The following XRCC1 variants were observed in gnomAD, a reference collection of about 807,000 sequenced individuals.
XRCC1 encodes the protein DNA repair protein XRCC1.
A neutral mutation model predicts 83.3 loss-of-function variants in XRCC1; 52 were observed. That is an observed-to-expected ratio of 0.62 (90% CI 0.50 to 0.79). The LOEUF (loss-of-function observed/expected upper bound fraction) is 0.79. XRCC1 is among the 30% of genes least tolerant of loss of function. XRCC1 has a pLI of 0.00. For synonymous variants in XRCC1, 281 were observed against 312.6 expected, an observed-to-expected ratio of 0.90 and a Z score of 1.07; for missense variants, 793 against 823.5, an observed-to-expected ratio of 0.96 and a Z score of 0.45.
chr19:43,545,975 A>G lies in XRCC1; in HGVS notation c.1482-18T>C. On this transcript the variant is annotated intron_variant, in intron 13 of 16. Coordinates refer to ENST00000262887, the MANE Select transcript of XRCC1 (RefSeq NM_006297.3). ...CTGCCACCCTGGGGGTGCCAAGAGG[A>G]GTAGAGAGTGAGCATGCAGAGCAGC... 6.2e-6 allele frequency: 10 copies of G among 1,613,702 alleles called. No individual in the cohort carries two copies. The highest frequency in any genetic ancestry group is 8.5e-6 in the Non-Finnish European group (10 of 1,179,826).
At chr19:43,554,539 G>T in intron 4 of XRCC1, 107 bp downstream of exon 4, 1 of 1,380,872 alleles carries the variant, frequency 7.2e-7, no homozygotes, top group Non-Finnish European at 9.7e-7. Context: ...AATCCCATGG[G>T]ACACCAGCTG....
chr19:43,552,563 G>A (rs1972591559), intron 8 of XRCC1, among the ~76,000 whole-genome samples: 1 of 142,628 alleles, frequency 7.0e-6, no homozygotes, highest in African/African-American at 2.7e-5. Flanking sequence ...TCCTCTCTCA[G>A]ACCCAGGGGT....
At chr19:43,570,263 G>A (rs1321955712) in intron 2 of XRCC1, among the ~76,000 whole-genome samples, 2 of 152,212 alleles carry the variant, frequency 1.3e-5, no homozygotes, top group Admixed American at 6.5e-5. Flanking sequence ...ACACACCAGA[G>A]TTATATCTGG....
At chr19:43,573,844 C>T (rs1972828178) in intron 2 of XRCC1, among the ~76,000 whole-genome samples, 1 of 152,132 alleles carries the variant, frequency 6.6e-6, no homozygotes, top group Non-Finnish European at 1.5e-5. Flanking sequence ...CATGCCACTG[C>T]ACTACAGCCT....
At chr19:43,556,536 G>A (rs1972637692) in intron 3 of XRCC1, among the ~76,000 whole-genome samples, 1 of 152,196 alleles carries the variant, frequency 6.6e-6, no homozygotes. Context: ...AGGCGCGGTG[G>A]CTCACGCCTG....
chr19:43,557,450 C>T (rs1972649615), intron 3 of XRCC1, among the ~76,000 whole-genome samples: 1 of 151,644 alleles, frequency 6.6e-6, no homozygotes. Context: ...AAAAACAGAA[C>T]ATAACTATAG....
chr19:43,566,478 G>C (rs1249203831), intron 2 of XRCC1, among the ~76,000 whole-genome samples: 1 of 137,428 alleles, frequency 7.3e-6, no homozygotes, highest in African/African-American at 2.8e-5. Flanking sequence ...GTTGCAGTGA[G>C]CCAAGATCAT....
intron 2 of XRCC1, among the ~76,000 whole-genome samples, chr19:43,572,927 CTTTTTTTTTTTTT>C (rs1015971628): frequency 1.1e-5 from 1 of 91,150 alleles, no homozygotes; most frequent in Non-Finnish European, 2.1e-5. Flanking sequence ...GAGATCTTTT[CTTTTTTTTTTTTT>C]TTTTTTTTTT....
chr19:43,568,921 G>A (rs1449289556), intron 2 of XRCC1, among the ~76,000 whole-genome samples: 1 of 151,596 alleles, frequency 6.6e-6, no homozygotes, highest in African/African-American at 2.4e-5. Flanking sequence ...GGTCTTTGTG[G>A]CTCTGTCTGT....
chr19:43,554,684 C>A lies in XRCC1; in HGVS notation c.376G>T (p.Asp126Tyr). 1 of 1,613,904 alleles carries A rather than the reference C, an allele frequency of 6.2e-7. No individual in the cohort carries two copies. Among genetic ancestry groups the A allele is most frequent in the South Asian group, 1.1e-5 (1 of 91,050 alleles). ...TGGCTGCAAACAATTTTGACCCGGT[C>A]CCAGCGCTTCTCGGCGGCTGCCCGG... ...LVRAAAEKRW[D>Y]RVKIVCSQPY... The change falls in exon 4 of 17, where the codon GAC (aspartate) becomes TAC (tyrosine). Residue 126 changes from aspartate to tyrosine, a missense_variant. By Grantham distance (160) the Asp-to-Tyr change is radical (BLOSUM62 -3). Transcript: ENST00000262887.
intron 8 of XRCC1, among the ~76,000 whole-genome samples, 200 bp from the exon 9 acceptor site, chr19:43,552,475 C>A (rs1273761052): frequency 6.9e-6 from 1 of 145,874 alleles, no homozygotes; most frequent in Non-Finnish European, 1.5e-5. Flanking sequence ...AGGCCCCCAG[C>A]CCCTCCTCCC....
At chr19:43,569,718 G>A (rs1244060195) in intron 2 of XRCC1, among the ~76,000 whole-genome samples, 1 of 151,532 alleles carries the variant, frequency 6.6e-6, no homozygotes, top group East Asian at 1.9e-4. Flanking sequence ...GGAGGCGGAG[G>A]TTGCAGTGAG....
rs35051065 is a variant in XRCC1, at chr19:43,566,946, AATAG to A, written c.145-5930_145-5927del. Among the ~76,000 whole-genome samples, 913 of 152,142 alleles carry A rather than the reference AATAG, an allele frequency of 6.0e-3. 5 individuals are homozygous for A. The highest frequency in any genetic ancestry group is 0.019 in the African/African-American group (797 of 41,518). On this transcript the variant is annotated intron_variant, in intron 2 of 16. Coordinates refer to ENST00000262887, the MANE Select transcript of XRCC1 (RefSeq NM_006297.3). ...CCCAATAAATGTCCATCAGTTGATGAATAGATAAACATTGTACAGTATATTTATG... is the reference window on the plus strand; with the variant it reads ...CCCAATAAATGTCCATCAGTTGATGAATAAACATTGTACAGTATATTTATG...
chr19:43,544,040 C>G (rs985227975), intron 15 of XRCC1, 104 bp downstream of exon 15: 18 of 1,150,738 alleles, frequency 1.6e-5, no homozygotes, highest in Non-Finnish European at 2.1e-5. Context: ...CCTTCTCCAT[C>G]CTCCTGATGG....
intron 4 of XRCC1, among the ~76,000 whole-genome samples, chr19:43,554,222 A>G (rs575005137): frequency 2.6e-5 from 4 of 152,164 alleles, no homozygotes; most frequent in Non-Finnish European, 4.4e-5. Context: ...GCATCCCTTA[A>G]CCTACAGCAA....
rs372371308 is a variant in XRCC1 at position 43,551,634 on chromosome 19, C to T, written c.1136G>A (p.Arg379His). Residue 379 changes from arginine to histidine, a missense_variant, in exon 10 of 17, where the codon CGC becomes CAC. Transcript: ENST00000262887. The part of the protein sequence containing the change: ...KYSQVLGLGG[R>H]IVRKEWVLDC... ...CAGCACCCACTCCTTACGCACGATG[C>T]GGCCTCCCAGGCCTAGGACCTGGCT... is the stretch of plus-strand genomic sequence containing the variant. 19 of 1,614,166 alleles carry T rather than the reference C, an allele frequency of 1.2e-5. No individual in the cohort carries two copies. Among genetic ancestry groups the T allele is most frequent in the African/African-American group, 8.0e-5 (6 of 75,042 alleles).
chr19:43,551,915 A>G, intron 9 of XRCC1, 102 bp downstream of exon 9: 1 of 1,317,630 alleles, frequency 7.6e-7, no homozygotes, highest in South Asian at 1.3e-5. Context: ...AGAGAGAGAG[A>G]AAGCATGCAG....
At chr19:43,568,507 A>C (rs1439194037) in intron 2 of XRCC1, among the ~76,000 whole-genome samples, 1 of 152,068 alleles carries the variant, frequency 6.6e-6, no homozygotes, top group African/African-American at 2.4e-5. Flanking sequence ...AAAGTAAGTA[A>C]GTAAGTAAGT....
chr19:43,560,639 G>A (rs2077572760), intron 3 of XRCC1, among the ~76,000 whole-genome samples: 1 of 152,188 alleles, frequency 6.6e-6, no homozygotes, highest in Non-Finnish European at 1.5e-5. Flanking sequence ...CAGTGAGAGT[G>A]ATTTCAGACT....
Sources: allele counts gnomAD v4.1 joint callset (sites outside exome capture counted in the v4.1 genomes callset), GRCh38; gene constraint gnomAD v4.1.1; transcripts MANE v1.5; gene names NCBI Gene and HGNC (gene_info 2026-07-23, HGNC 2026-07-21).